BEST3: variants seen among roughly 807,000 people sequenced by gnomAD.
BEST3 encodes the protein bestrophin-3.
In BEST3, 50 loss-of-function variants were observed where a neutral mutation model predicts 47.1. That is an observed-to-expected ratio of 1.06 (90% CI 0.85 to 1.34). The LOEUF is 1.34. Ranked by LOEUF, BEST3 falls within the 40% of genes most tolerant of loss-of-function variation. BEST3 has a pLI of 0.00. For missense variants in BEST3, 765 were observed against 817.0 expected, an observed-to-expected ratio of 0.94 and a Z score of 0.78; for synonymous variants, 282 against 298.8, an observed-to-expected ratio of 0.94 and a Z score of 0.58.
At chr12:69,689,555 A>G (rs1371672886) in intron 4 of BEST3, among the ~76,000 whole-genome samples, 1 of 152,164 alleles carries the variant, frequency 6.6e-6, no homozygotes, top group Non-Finnish European at 1.5e-5. Flanking sequence ...TGGGGACAAG[A>G]TGTACCTACT....
chr12:69,661,865 A>T (rs892926189), intron 9 of BEST3, among the ~76,000 whole-genome samples: 4 of 152,278 alleles, frequency 2.6e-5, no homozygotes, highest in Admixed American at 6.5e-5. Context: ...GGCTTTGGCA[A>T]ATCTGGTTGA....
chr12:69,673,474 G>A (rs1480139147), intron 7 of BEST3, among the ~76,000 whole-genome samples: 3 of 152,190 alleles, frequency 2.0e-5, no homozygotes, highest in Non-Finnish European at 4.4e-5. Flanking sequence ...GTCTCGCCCT[G>A]TTGCCCAGGC....
In BEST3 at chr12:69,671,483, A is replaced by G. The variant is rs545706692; in HGVS notation, c.1045T>C (p.Leu349=). The change falls in exon 9 of 10, where the codon TTG becomes CTG. Residue 349 remains leucine, a synonymous_variant. Coordinates refer to ENST00000330891, the MANE Select transcript of BEST3 (RefSeq NM_032735.3). ...DDSAARPPYT[L]AAADYCIPSF... ...GGTATGCAGTAGTCAGCAGCTGCCA[A>G]TGTGTATGGTGGGCGAGCAGCAGAA... The G allele has an allele frequency of 7.4e-6, 12 of 1,614,008 alleles. No homozygotes were observed. In the East Asian group the frequency reaches 8.9e-5, roughly 12 times the overall value.
At position 69,677,009 on chromosome 12, in the gene BEST3, CA is replaced by C; in HGVS notation, c.773del (p.Leu258TrpfsTer33). Reference protein sequence around the residue: ...FFACLIGRQFLDPTKGYAGHD... With the variant: ...FFACLIGRQFXDPTKGYAGHD... ...GCCCTGCGTAGCCTTTGGTGGGATC[CA>C]AAAACTGGCGTCCAATCAGGCACGC... On this transcript the variant is annotated frameshift_variant, in exon 7 of 10. Transcript: ENST00000330891. LOFTEE classifies it high-confidence loss of function. 6.2e-7 allele frequency: 1 copy of C among 1,614,020 alleles called. No individual in the cohort carries two copies. Among genetic ancestry groups the C allele is most frequent in the Non-Finnish European group, 8.5e-7 (1 of 1,179,996 alleles).
Position 69,678,720 on chromosome 12 carries a change from T to C in BEST3, c.636+19A>G, listed in dbSNP as rs779606545. ...GTCTCTAATTAGCGTATTTTTCTTA[T>C]GATTTATGATATACTTACAGTCATC... On this transcript the variant is annotated intron_variant, in intron 5 of 9. Coordinates refer to ENST00000330891, the MANE Select transcript of BEST3 (RefSeq NM_032735.3). The C allele has an allele frequency of 6.2e-7, 1 of 1,611,098 alleles. No homozygotes were observed. The highest frequency in any genetic ancestry group is 1.1e-5 in the South Asian group (1 of 90,706).
downstream of BEST3, among the ~76,000 whole-genome samples, chr12:69,651,683 G>A (rs943603178): frequency 6.6e-6 from 1 of 151,158 alleles, no homozygotes; most frequent in Non-Finnish European, 1.5e-5. Flanking sequence ...ACTGAGGCAG[G>A]AGAATTGCTT....
chr12:69,659,442 C>T (rs1406144482), intron 9 of BEST3, among the ~76,000 whole-genome samples: 1 of 152,198 alleles, frequency 6.6e-6, no homozygotes, highest in African/African-American at 2.4e-5. Context: ...TAGCCTTGAC[C>T]TCTTGGGCTA....
Position 69,655,759 on chromosome 12 carries a change from A to G in BEST3, c.1155T>C (p.His385=). 1 of 1,613,692 alleles carries G rather than the reference A, an allele frequency of 6.2e-7. No homozygotes were observed. Among genetic ancestry groups the G allele is most frequent in the Non-Finnish European group, 8.5e-7 (1 of 1,179,812 alleles). The change falls in exon 10 of 10, where the codon CAT becomes CAC. Residue 385 remains histidine (H), a synonymous_variant. Transcript: ENST00000330891. ...DEEWLWDYEK[H]GHRHSMIRRV... is the part of the protein sequence containing the mutation. ...TTCTTATCATGGAATGCCGATGGCC[A>G]TGCTTCTCATAATCCCACAGCCACT...
At position 69,685,630 on chromosome 12, in the gene BEST3, C is replaced by A. The variant is rs189911595; in HGVS notation, c.482-6737G>T. ...GTTGAACAACTGCCCTAGTGCTGAT[C>A]ATTTCAGCATTCTCAGTCTGGGTCA... On this transcript the variant is annotated intron_variant, in intron 4 of 9. Coordinates refer to ENST00000330891, the MANE Select transcript of BEST3 (RefSeq NM_032735.3). Among the ~76,000 whole-genome samples, 3 of 152,276 alleles carry A rather than the reference C, an allele frequency of 2.0e-5. No individual in the cohort carries two copies. The East Asian group carries it at 5.8e-4, about 29-fold the overall frequency.
intron 9 of BEST3, among the ~76,000 whole-genome samples, chr12:69,644,539 TA>T (rs1254303483): frequency 3.3e-5 from 5 of 152,206 alleles, no homozygotes; most frequent in Non-Finnish European, 2.9e-5. Context: ...TGAGAATAAG[TA>T]ACTCTATTTT....
chr12:69,678,773 A>T lies in BEST3; in HGVS notation c.602T>A (p.Ile201Asn). The T allele has an allele frequency of 6.2e-7, 1 of 1,614,146 alleles. No individual in the cohort carries two copies. The highest frequency in any genetic ancestry group is 8.5e-7 in the Non-Finnish European group (1 of 1,179,992). ...TGATTGCAGATCAACACTGTCTCTGATTCTACCTTCATTCCGGGCTTTAGT... is the reference window on the plus strand; with the variant it reads ...TGATTGCAGATCAACACTGTCTCTGTTTCTACCTTCATTCCGGGCTTTAGT... ...LATKARNEGR[I>N]RDSVDLQSLM... The change falls in exon 5 of 10, where the codon ATC (isoleucine) becomes AAC (asparagine). Residue 201 changes from isoleucine to asparagine, a missense_variant. Coordinates refer to ENST00000330891, the MANE Select transcript of BEST3 (RefSeq NM_032735.3).
downstream of BEST3, among the ~76,000 whole-genome samples, chr12:69,651,221 CCA>C (rs1431641874): frequency 6.6e-6 from 1 of 152,172 alleles, no homozygotes; most frequent in Non-Finnish European, 1.5e-5. Flanking sequence ...ACATTAATCC[CCA>C]GTCATGCTTG....
rs1053135611 is a variant in BEST3 at position 69,653,918 on chromosome 12, T to G, written c.*989A>C. The G allele has an allele frequency of 2.0e-6, 2 of 985,342 alleles. No homozygotes were observed. Among genetic ancestry groups the G allele is most frequent in the African/African-American group, 3.5e-5 (2 of 57,250 alleles). The allele number at this position is 985,342 out of a possible 1,614,324, so 61.0% of individuals were successfully genotyped here. On this transcript the variant is annotated 3_prime_UTR_variant, in exon 10 of 10. Transcript: ENST00000330891. The stretch of plus-strand genomic sequence containing the variant: ...TCAAGTTAAACAGATGTGAGTCATC[T>G]TATTCTTTGGTTCCATAGCATTTGG...
chr12:69,671,098 G>T (rs1036495434), intron 9 of BEST3, among the ~76,000 whole-genome samples: 7 of 152,130 alleles, frequency 4.6e-5, no homozygotes, highest in Non-Finnish European at 7.4e-5. Context: ...AAGGTAAAAA[G>T]ATTAGAACAG....
intron 9 of BEST3, among the ~76,000 whole-genome samples, chr12:69,658,558 G>A (rs1466108351): frequency 6.6e-6 from 1 of 152,186 alleles, no homozygotes; most frequent in Non-Finnish European, 1.5e-5. Flanking sequence ...TAAATTTATT[G>A]AGCACTTATC....
At chr12:69,697,072 A>G (rs1219705442) in intron 2 of BEST3, among the ~76,000 whole-genome samples, 5 of 152,216 alleles carry the variant, frequency 3.3e-5, no homozygotes, top group Non-Finnish European at 7.3e-5. Context: ...TTTTGTGAAC[A>G]TAATATACCC....
chr12:69,656,063 G>C (rs1036861691), intron 9 of BEST3, among the ~76,000 whole-genome samples: 9 of 152,102 alleles, frequency 5.9e-5, no homozygotes, highest in Admixed American at 6.6e-5. Flanking sequence ...ACTCTTTACT[G>C]TATTTAAAAT....
Position 69,643,740 on chromosome 12 carries a change from G to A in BEST3, c.1148C>T (p.Pro383Leu), listed in dbSNP as rs61747221. The change falls in exon 10 of 10, where the codon CCA becomes CTA. Residue 383 changes from proline (P) to leucine (L), a missense_variant. Coordinates refer to the BEST3 transcript ENST00000331471. ...ACACTGGAATTGAGGCTGAGGGAGTGGGATTTTTATATCTTCCATCTTCCA... is the reference window on the plus strand; with the variant it reads ...ACACTGGAATTGAGGCTGAGGGAGTAGGATTTTTATATCTTCCATCTTCCA... 73,982 of 714,342 alleles carry A rather than the reference G, an allele frequency of 0.1. 4,589 individuals carry two copies. The highest frequency in any genetic ancestry group is 0.22 in the East Asian group (7,989 of 37,030). 44.3% of individuals were successfully genotyped at this position (714,342 alleles called of 1,614,324 possible).
intron 1 of BEST3, 39 bp downstream of exon 1, chr12:69,699,166 G>A: frequency 1.0e-6 from 1 of 955,646 alleles, no homozygotes; most frequent in Non-Finnish European, 1.2e-6. Flanking sequence ...GCAAGTAGAG[G>A]TCAGAATTAA....
Sources: gnomAD v4.1 joint callset for allele counts (sites outside exome capture counted in the v4.1 genomes callset) on GRCh38, gnomAD v4.1.1 for gene constraint, MANE v1.5 for transcripts, NCBI Gene and HGNC (gene_info 2026-07-23, HGNC 2026-07-21) for gene names.